ALK: variants seen among roughly 807,000 people sequenced by gnomAD.
ALK encodes ALK receptor tyrosine kinase.
Under a neutral mutation model 163.1 loss-of-function variants are expected in ALK, and 74 were observed. That is an observed-to-expected ratio of 0.45 (90% confidence interval 0.38 to 0.55). The LOEUF (loss-of-function observed/expected upper bound fraction) is 0.55, where lower values mean the gene tolerates loss of function less well. ALK is among the 20% of genes least tolerant of loss of function. The probability of loss-of-function intolerance (pLI) is 0.00; values close to 1 mark genes in which losing one functional copy is unlikely to be tolerated. For synonymous variants in ALK, 960 were observed against 843.2 expected (o/e 1.14, Z -2.40); for missense variants, 2,063 against 2,105.3 (o/e 0.98, Z 0.39).
At chr2:29,494,843 C>CGTGTGTGTGTGTGTGTGTGT (rs35306598) in intron 4 of ALK, among the ~76,000 whole-genome samples, 76 of 147,318 alleles carry the variant, frequency 5.2e-4, no homozygotes, top group African/African-American at 1.7e-3. Context: ...TTTAGAGACT[C>CGTGTGTGTGTGTGTGTGTGT]GTGTGTGTGT....
At chr2:29,834,917 C>A (rs2148390647) in intron 1 of ALK, among the ~76,000 whole-genome samples, 1 of 152,350 alleles carries the variant, frequency 6.6e-6, no homozygotes, top group South Asian at 2.1e-4. Flanking sequence ...ATTCCATTTG[C>A]TTTACCTTTC....
intron 1 of ALK, among the ~76,000 whole-genome samples, chr2:29,750,753 G>C (rs1338831753): frequency 1.3e-5 from 2 of 149,502 alleles, no homozygotes; most frequent in Non-Finnish European, 3.0e-5. Context: ...GGGAGGGAAA[G>C]AGAGAAAGAG....
intron 3 of ALK, among the ~76,000 whole-genome samples, chr2:29,602,449 G>A (rs978899812): frequency 6.6e-6 from 1 of 152,118 alleles, no homozygotes; most frequent in Non-Finnish European, 1.5e-5. Flanking sequence ...TGGTTAAAGA[G>A]GCTTGGAGTC....
At chr2:29,206,894 T>C (rs939189729) in intron 26 of ALK, among the ~76,000 whole-genome samples, 11 of 152,146 alleles carry the variant, frequency 7.2e-5, no homozygotes, top group South Asian at 2.1e-4. Context: ...AATGGCAGCA[T>C]CACTCTGGGA....
intron 1 of ALK, among the ~76,000 whole-genome samples, chr2:29,908,905 G>T (rs1036048952): frequency 4.6e-5 from 7 of 152,146 alleles, no homozygotes; most frequent in African/African-American, 1.7e-4. Context: ...CTCCTGGGAG[G>T]AAGAGACTGT....
chr2:29,825,903 G>A (rs949983207), intron 1 of ALK, among the ~76,000 whole-genome samples: 1 of 152,158 alleles, frequency 6.6e-6, no homozygotes, highest in African/African-American at 2.4e-5. Context: ...GCAATTGGAT[G>A]TTTAGGTGGT....
intron 28 of ALK, among the ~76,000 whole-genome samples, chr2:29,194,675 C>T (rs938926837): frequency 5.2e-5 from 7 of 135,838 alleles, no homozygotes; most frequent in Non-Finnish European, 9.6e-5. Context: ...CCCCCACCCC[C>T]GCTAATTTTT....
chr2:29,392,152 T>C (rs1243554496), intron 4 of ALK, among the ~76,000 whole-genome samples: 2 of 152,190 alleles, frequency 1.3e-5, no homozygotes, highest in Admixed American at 6.5e-5. Context: ...AGCCTCCCAT[T>C]CCAGACATAA....
intron 1 of ALK, among the ~76,000 whole-genome samples, chr2:29,916,839 G>T (rs1360668395): frequency 6.6e-6 from 1 of 152,176 alleles, no homozygotes; most frequent in Non-Finnish European, 1.5e-5. Flanking sequence ...TGCCAGCCTT[G>T]CAGACAGACA....
chr2:29,229,767 G>A (rs955261766), intron 15 of ALK, among the ~76,000 whole-genome samples: 1 of 152,154 alleles, frequency 6.6e-6, no homozygotes, highest in African/African-American at 2.4e-5. Flanking sequence ...CAGAACACAC[G>A]CGTGCAGACA....
At chr2:29,820,645 G>T (rs751731727) in intron 1 of ALK, among the ~76,000 whole-genome samples, 3 of 152,178 alleles carry the variant, frequency 2.0e-5, no homozygotes, top group Non-Finnish European at 4.4e-5. Context: ...AGAAGATGAA[G>T]ATTCATGAGA....
intron 1 of ALK, among the ~76,000 whole-genome samples, chr2:29,751,006 G>T (rs1680350498): frequency 6.6e-6 from 1 of 152,112 alleles, no homozygotes; most frequent in Non-Finnish European, 1.5e-5. Context: ...GGAGGCAGAG[G>T]TTGCAGTAAG....
At chr2:29,605,579 C>T (rs929765517) in intron 3 of ALK, among the ~76,000 whole-genome samples, 1 of 152,112 alleles carries the variant, frequency 6.6e-6, no homozygotes, top group Non-Finnish European at 1.5e-5. Flanking sequence ...TATAAGAAGA[C>T]AAAGGGAGAC....
chr2:29,795,108 CA>C (rs1190176860), intron 1 of ALK, among the ~76,000 whole-genome samples: 1 of 152,060 alleles, frequency 6.6e-6, no homozygotes, highest in Non-Finnish European at 1.5e-5. Flanking sequence ...GTCCTGATAT[CA>C]TCCAAATAAT....
At chr2:29,693,692 C>G (rs971430701) in intron 3 of ALK, among the ~76,000 whole-genome samples, 2 of 152,162 alleles carry the variant, frequency 1.3e-5, no homozygotes, top group Admixed American at 1.3e-4. Context: ...CTGTTAGGCT[C>G]CCTAGTAGCA....
chr2:29,539,849 G>A (rs1673366623), intron 3 of ALK, among the ~76,000 whole-genome samples: 1 of 152,084 alleles, frequency 6.6e-6, no homozygotes, highest in South Asian at 2.1e-4. Flanking sequence ...GCTACTTAGA[G>A]CTTACAACAA....
chr2:29,845,558 C>T (rs1006168729), intron 1 of ALK, among the ~76,000 whole-genome samples: 5 of 152,116 alleles, frequency 3.3e-5, no homozygotes, highest in Non-Finnish European at 7.3e-5. Context: ...CCTCAGCCTC[C>T]CAAGTAGCTG....
chr2:29,454,004 A>G (rs923453851), intron 4 of ALK, among the ~76,000 whole-genome samples: 1 of 152,166 alleles, frequency 6.6e-6, no homozygotes. Context: ...GTGCTCCCCC[A>G]AAAGAGTTCT....
At chr2:29,555,563 C>A (rs1673830430) in intron 3 of ALK, among the ~76,000 whole-genome samples, 1 of 152,188 alleles carries the variant, frequency 6.6e-6, no homozygotes, top group Non-Finnish European at 1.5e-5. Flanking sequence ...TGCCCTCCAC[C>A]TTTCTCTCCT....
Sources: allele counts gnomAD v4.1 joint callset (sites outside exome capture counted in the v4.1 genomes callset), GRCh38; gene constraint gnomAD v4.1.1; transcripts MANE v1.5; gene names NCBI Gene and HGNC (gene_info 2026-07-23, HGNC 2026-07-21).